BBS12: variants seen among roughly 807,000 people sequenced by gnomAD.
The protein encoded by BBS12 is chaperonin-containing T-complex member BBS12.
Under a neutral mutation model 5.6 loss-of-function variants are expected in BBS12, and 5 were observed. The ratio of observed to expected loss-of-function variants is 0.89; its 90% CI spans 0.46 to 1.86. The LOEUF (loss-of-function observed/expected upper bound fraction) is 1.86. Ranked by LOEUF, BBS12 falls within the 40% of genes most tolerant of loss-of-function variation. BBS12 has a pLI of 0.01. For missense variants in BBS12, 748 were observed against 830.4 expected (o/e 0.90, Z 1.22); for synonymous variants, 308 against 306.8 (o/e 1.00, Z -0.04).
the BBS12 span, among the ~76,000 whole-genome samples, chr4:122,710,442 G>T: frequency 0.71 from 107,652 of 152,172 alleles, 40,169 homozygotes; most frequent in East Asian, 0.95. Flanking sequence ...TAGCACAACT[G>T]GGGCAGTATT....
At chr4:122,713,365 G>A in the BBS12 span, among the ~76,000 whole-genome samples, 1 of 151,464 alleles carries the variant, frequency 6.6e-6, no homozygotes, top group Non-Finnish European at 1.5e-5. Flanking sequence ...GGCACATGCT[G>A]TAGTCCCACC....
chr4:122,709,273 A>G, the BBS12 span, among the ~76,000 whole-genome samples: 9 of 152,210 alleles, frequency 5.9e-5, no homozygotes, highest in Admixed American at 2.0e-4. Flanking sequence ...CCATTTATGT[A>G]GGAAATTCCC....
chr4:122,733,424 C>CACAT (rs1159344912), intron 1 of BBS12, among the ~76,000 whole-genome samples: 9 of 134,080 alleles, frequency 6.7e-5, no homozygotes, highest in South Asian at 2.4e-4. Flanking sequence ...CACACACACA[C>CACAT]ATCCAGCCAT....
At chr4:122,731,206 C>T (rs1232401672), upstream of BBS12, 2 of 152,140 alleles carry the variant, frequency 1.3e-5, no homozygotes, top group Admixed American at 6.5e-5. Context: ...GATCCGTTAC[C>T]AAAAATGTAA....
upstream of BBS12, chr4:122,731,565 C>T (rs1010415312): frequency 6.6e-6 from 1 of 152,128 alleles, no homozygotes; most frequent in African/African-American, 2.4e-5. Context: ...TTTTTATACT[C>T]ATAATGGCAA....
At position 122,742,970 on chromosome 4, in the gene BBS12, G is replaced by T. The variant is rs1365275722; in HGVS notation, c.1078G>T (p.Glu360Ter). 6.2e-7 allele frequency: 1 copy of T among 1,614,170 alleles called. No homozygotes were observed. Among genetic ancestry groups the T allele is most frequent in the Non-Finnish European group, 8.5e-7 (1 of 1,180,006 alleles). Reference protein sequence around the residue: ...QNQPVRIVLIEGDLTENYRHL... With the variant: ...QNQPVRIVLI ...TCAGCCTGTGCGAATAGTTCTCATT[G>T]AGGGTGACCTCACAGAGAATTACCG... The change falls in exon 2 of 2, where the codon GAG (glutamate) becomes TAG (stop). Residue 360 changes from glutamate (E) to a stop codon, truncating the protein, a stop_gained. Transcript: ENST00000314218. LOFTEE classifies it low-confidence loss of function (END_TRUNC).
chr4:122,716,691 G>A, the BBS12 span, among the ~76,000 whole-genome samples: 4 of 76,294 alleles, frequency 5.2e-5, no homozygotes, highest in Non-Finnish European at 1.1e-4. Flanking sequence ...ACACATATGT[G>A]TATGTGTGTG....
the BBS12 span, among the ~76,000 whole-genome samples, chr4:122,715,730 T>A: frequency 6.6e-6 from 1 of 152,214 alleles, no homozygotes; most frequent in African/African-American, 2.4e-5. Context: ...AAAAGAAACC[T>A]ACACATTTCC....
Position 122,743,902 on chromosome 4 carries a change from T to G in BBS12, c.2010T>G (p.Ile670Met), listed in dbSNP as rs1431472658. ...PRVYDVVTPK[I>M]EAWRRALDLV... ...TTTATGACGTTGTTACACCAAAGAT[T>G]GAGGCGTGGCGCCGAGCATTGGATT... Residue 670 changes from isoleucine (I) to methionine (M), a missense_variant, in exon 2 of 2, where the codon ATT becomes ATG. Physicochemically the swap from Ile to Met is conservative, Grantham distance 10 (BLOSUM62 1). Transcript: ENST00000314218. 1.2e-6 allele frequency: 2 copies of G among 1,605,222 alleles called. No homozygotes were observed. Among genetic ancestry groups the G allele is most frequent in the South Asian group, 1.1e-5 (1 of 89,456 alleles).
the BBS12 span, among the ~76,000 whole-genome samples, chr4:122,717,964 T>C: frequency 6.6e-6 from 1 of 152,126 alleles, no homozygotes; most frequent in South Asian, 2.1e-4. Flanking sequence ...AGGCCTGCTT[T>C]CAAAGCCCAG....
chr4:122,739,344 A>G (rs994116959), intron 1 of BBS12, among the ~76,000 whole-genome samples: 5 of 152,234 alleles, frequency 3.3e-5, no homozygotes, highest in Non-Finnish European at 7.3e-5. Flanking sequence ...CTGTTATGGA[A>G]AACAGACAGT....
chr4:122,710,245 A>C, the BBS12 span, among the ~76,000 whole-genome samples: 2 of 152,348 alleles, frequency 1.3e-5, no homozygotes, highest in East Asian at 3.9e-4. Context: ...TATCCAAAAA[A>C]ATCTTATTTG....
chr4:122,736,166 C>T (rs138802364), intron 1 of BBS12, among the ~76,000 whole-genome samples: 106 of 152,218 alleles, frequency 7.0e-4, no homozygotes, highest in African/African-American at 2.2e-3. Flanking sequence ...ATAGTTAGGG[C>T]ATTGTAAGGA....
the BBS12 span, among the ~76,000 whole-genome samples, chr4:122,710,561 C>T: frequency 7.9e-5 from 12 of 152,010 alleles, no homozygotes; most frequent in African/African-American, 2.4e-4. Flanking sequence ...AGAGAGGTAT[C>T]GTGTTACAGT....
At chr4:122,726,383 A>C in the BBS12 span, among the ~76,000 whole-genome samples, 1 of 152,206 alleles carries the variant, frequency 6.6e-6, no homozygotes, top group South Asian at 2.1e-4. Context: ...ATACCACTTT[A>C]CTCCTGCAAC....
the BBS12 span, among the ~76,000 whole-genome samples, chr4:122,716,628 C>T: frequency 2.0e-5 from 2 of 100,140 alleles, no homozygotes; most frequent in African/African-American, 3.8e-5. Flanking sequence ...TGCACATACA[C>T]ATATGTATAT....
At chr4:122,707,611 C>T in the BBS12 span, among the ~76,000 whole-genome samples, 5 of 152,178 alleles carry the variant, frequency 3.3e-5, no homozygotes, top group Non-Finnish European at 5.9e-5. Flanking sequence ...TGCTCTTACA[C>T]GTTGTTGAGT....
chr4:122,714,813 A>G, the BBS12 span, among the ~76,000 whole-genome samples: 5 of 152,128 alleles, frequency 3.3e-5, no homozygotes, highest in Admixed American at 6.6e-5. Flanking sequence ...TATACATGCT[A>G]TCGTGTAAAA....
the BBS12 span, among the ~76,000 whole-genome samples, chr4:122,722,523 C>A: frequency 1.3e-5 from 2 of 152,136 alleles, no homozygotes; most frequent in Non-Finnish European, 2.9e-5. Flanking sequence ...GACTTCCAAC[C>A]CATGAACATA....
Sources: gnomAD v4.1 joint callset for allele counts (sites outside exome capture counted in the v4.1 genomes callset) on GRCh38, gnomAD v4.1.1 for gene constraint, MANE v1.5 for transcripts, NCBI Gene and HGNC (gene_info 2026-07-23, HGNC 2026-07-21) for gene names.